Variants in GNAS observed in about 807,000 individuals in gnomAD.
GNAS encodes the protein protein ALEX.
In GNAS, 8 loss-of-function variants were observed where a neutral mutation model predicts 54.5. The observed-to-expected ratio is 0.15, with a 90% CI of 0.09 to 0.26. The LOEUF (loss-of-function observed/expected upper bound fraction) is 0.26. Among genes scored for constraint, GNAS ranks in the 10% least tolerant of loss-of-function variants. The pLI is 1.00. For missense variants in GNAS, 170 were observed against 529.8 expected (o/e 0.32, Z 6.67); for synonymous variants, 204 against 191.4 (o/e 1.07, Z -0.54).
chr20:58,891,974 C>T (rs2089426211), intron 1 of GNAS, 109 bp downstream of exon 1: 1 of 769,090 alleles, frequency 1.3e-6, no homozygotes, highest in Non-Finnish European at 1.6e-6. Context: ...CTCCCGAGCC[C>T]CCCGCCCGTT....
In GNAS at chr20:58,853,725, T is replaced by C. The variant is rs751335595; in HGVS notation, c.43+12839T>C. On this transcript the variant is annotated intron_variant, in intron 1 of 12. Transcript: ENST00000306090. The surrounding 1 kb of genome is among the most constrained non-coding windows in gnomAD (Gnocchi z 4.4). ...TGGTGCCAGACCAGGCCTGGGAGGA[T>C]ACAGCCCTCCACCAGAAGAAGCTAT... 6 of 1,613,698 alleles carry C rather than the reference T, an allele frequency of 3.7e-6. No individual in the cohort carries two copies. The highest frequency in any genetic ancestry group is 2.2e-5 in the East Asian group (1 of 44,876).
At chr20:58,881,796 A>G (rs924258204) in intron 1 of GNAS, 2 of 152,108 alleles carry the variant, frequency 1.3e-5, no homozygotes, top group Admixed American at 1.3e-4. Flanking sequence ...GGTCACTGCA[A>G]CCCTGGGATA....
intron 3 of GNAS, among the ~76,000 whole-genome samples, chr20:58,902,128 C>A (rs1193609988): frequency 6.1e-5 from 9 of 148,282 alleles, no homozygotes; most frequent in Non-Finnish European, 1.3e-4. Flanking sequence ...TGACTCCCCC[C>A]CTCTTGGCCT....
At chr20:58,906,002 T>A (rs1485787979) in intron 6 of GNAS, among the ~76,000 whole-genome samples, 1 of 152,196 alleles carries the variant, frequency 6.6e-6, no homozygotes, top group Non-Finnish European at 1.5e-5. Context: ...AGGTAGAGTT[T>A]GTTTTTGTGT....
At chr20:58,892,769 G>A (rs2089598840) in intron 1 of GNAS, among the ~76,000 whole-genome samples, 1 of 152,020 alleles carries the variant, frequency 6.6e-6, no homozygotes, top group African/African-American at 2.4e-5. Context: ...GAAGTGCCCA[G>A]TGAAGCCAAA....
At chr20:58,908,886 C>T in intron 6 of GNAS, 1 of 544,826 alleles carries the variant, frequency 1.8e-6, no homozygotes, top group South Asian at 1.9e-5. Context: ...TTGTGTGGCC[C>T]CACTGCGTCG....
chr20:58,893,506 C>CT (rs1568987673), intron 1 of GNAS, among the ~76,000 whole-genome samples: 1 of 152,142 alleles, frequency 6.6e-6, no homozygotes, highest in East Asian at 1.9e-4. Flanking sequence ...TAATAAAAGG[C>CT]TGTTCTTATT....
At chr20:58,842,619 A>C in intron 1 of GNAS, 1 of 397,522 alleles carries the variant, frequency 2.5e-6, no homozygotes, top group Non-Finnish European at 4.4e-6. Flanking sequence ...AGAAGTTTGG[A>C]GGCTGCGGAA....
upstream of GNAS, among the ~76,000 whole-genome samples, chr20:58,886,913 T>C (rs996675418): frequency 3.3e-5 from 5 of 152,270 alleles, no homozygotes; most frequent in African/African-American, 9.6e-5. Context: ...AGGTGAAACC[T>C]ACACTTAAAA....
chr20:58,897,007 T>G (rs915613680), intron 2 of GNAS, among the ~76,000 whole-genome samples: 1 of 152,220 alleles, frequency 6.6e-6, no homozygotes. Flanking sequence ...TAGAATTTGT[T>G]AGATCAAATA....
In GNAS at chr20:58,902,116, G is replaced by A. The variant is rs571715295; in HGVS notation, c.258-1415G>A. 2.2e-4 allele frequency among the ~76,000 whole-genome samples: 18 copies of A among 82,420 alleles called. No homozygotes were observed. The East Asian group carries it at 6.1e-3, about 28-fold the overall frequency. The allele number at this position is 82,420 out of a possible 152,430, so 54.1% of individuals were successfully genotyped here. A position where few individuals can be genotyped will look rare whatever the true frequency, so the allele number is the denominator to read the frequency against. On this transcript the variant is annotated intron_variant, in intron 3 of 12. Transcript: ENST00000371085. ...TCCATCTCCCATTGGTTTCTGCCTC[G>A]GTGACTCCCCCCCTCTTGGCCTCAG... is the stretch of plus-strand genomic sequence containing the variant.
Position 58,910,540 on chromosome 20 carries a change from G to A in GNAS, c.1038+139G>A. 8.5e-7 allele frequency: 1 copy of A among 1,176,288 alleles called. No homozygotes were observed. Among genetic ancestry groups the A allele is most frequent in the South Asian group, 1.3e-5 (1 of 79,834 alleles). 72.9% of individuals were successfully genotyped at this position (1,176,288 alleles called of 1,614,324 possible). On this transcript the variant is annotated intron_variant, in intron 12 of 12. Coordinates refer to ENST00000371085, the MANE Select transcript of GNAS (RefSeq NM_000516.7). This position sits in a 1 kb window ranked among gnomAD's most constrained non-coding sequence, Gnocchi z 5.8. The stretch of plus-strand genomic sequence containing the variant: ...TCACGCACATCCAGTGTGGATTTGA[G>A]CTCTTTGCGCCCCTCTTTTTGCTTT...
intron 1 of GNAS, chr20:58,850,831 A>G (rs1447008082): frequency 5.0e-6 from 2 of 398,760 alleles, no homozygotes; most frequent in Non-Finnish European, 4.4e-6. Context: ...CCTAGCCGCC[A>G]TACACCCGCC....
chr20:58,885,996 AAAGGCC>A (rs1235652512), intron 1 of GNAS, among the ~76,000 whole-genome samples: 1 of 152,252 alleles, frequency 6.6e-6, no homozygotes, highest in African/African-American at 2.4e-5. Flanking sequence ...CCAACTAATG[AAAGGCC>A]AAGGATAACA....
At chr20:58,875,639 C>T (rs1471827834) in intron 1 of GNAS, among the ~76,000 whole-genome samples, 2 of 152,196 alleles carry the variant, frequency 1.3e-5, no homozygotes, top group African/African-American at 4.8e-5. Flanking sequence ...ACCAGATCTC[C>T]AAGTAGCAGC....
intron 1 of GNAS, among the ~76,000 whole-genome samples, chr20:58,868,662 C>A (rs576375921): frequency 2.6e-5 from 4 of 152,158 alleles, no homozygotes; most frequent in African/African-American, 9.7e-5. Flanking sequence ...AAGGGGAGAA[C>A]GGAAAGCAGC....
intron 1 of GNAS, among the ~76,000 whole-genome samples, chr20:58,844,919 A>G (rs879881241): frequency 1.3e-5 from 2 of 152,230 alleles, no homozygotes; most frequent in Non-Finnish European, 2.9e-5. Flanking sequence ...TCTGCTTTAC[A>G]GTTGGTTGCA....
chr20:58,877,796 G>A (rs2087928998), intron 1 of GNAS, among the ~76,000 whole-genome samples: 1 of 152,216 alleles, frequency 6.6e-6, no homozygotes, highest in Non-Finnish European at 1.5e-5. Flanking sequence ...TTGGAGGCAT[G>A]GGGTCCACAG....
intron 1 of GNAS, among the ~76,000 whole-genome samples, chr20:58,865,582 A>G (rs2087017566): frequency 6.7e-6 from 1 of 149,252 alleles, no homozygotes; most frequent in South Asian, 2.1e-4. Context: ...CACTGCAGTT[A>G]CTTTTTTTTT....
Sources: gnomAD v4.1 joint callset for allele counts (sites outside exome capture counted in the v4.1 genomes callset) on GRCh38, gnomAD v4.1.1 for gene constraint, Gnocchi (gnomAD v3.1) non-coding constraint, MANE v1.5 for transcripts, NCBI Gene and HGNC (gene_info 2026-07-23, HGNC 2026-07-21) for gene names.